EN2: variants seen among roughly 807,000 people sequenced by gnomAD.
The protein encoded by EN2 is engrailed homeobox 2.
In EN2, 7 loss-of-function variants were observed where a neutral mutation model predicts 25.0. The ratio of observed to expected loss-of-function variants is 0.28; its 90% CI spans 0.16 to 0.53. The LOEUF is 0.53. EN2 is among the 20% of genes least tolerant of loss of function. The pLI is 0.96. For synonymous variants in EN2, 277 were observed against 243.3 expected, an observed-to-expected ratio of 1.14 and a Z score of -1.29; for missense variants, 524 against 501.8, an observed-to-expected ratio of 1.04 and a Z score of -0.42.
At chr7:155,461,886 C>T (rs1325081262) in intron 1 of EN2, among the ~76,000 whole-genome samples, 1 of 152,192 alleles carries the variant, frequency 6.6e-6, no homozygotes, top group African/African-American at 2.4e-5. Context: ...GCCCTTGGCA[C>T]CCTGTGGGGT....
chr7:155,458,761 G>C lies in EN2; in HGVS notation c.384G>C (p.Glu128Asp). 2 of 1,368,116 alleles carry C rather than the reference G, an allele frequency of 1.5e-6. No individual in the cohort carries two copies. The highest frequency in any genetic ancestry group is 1.9e-6 in the Non-Finnish European group (2 of 1,068,910). The allele number at this position is 1,368,116 out of a possible 1,614,324, so 84.7% of individuals were successfully genotyped here. A position where few individuals can be genotyped will look rare whatever the true frequency, so the allele number is the denominator to read the frequency against. ...AGCTCTTGGGCTCGGGCTCCCGAGA[G>C]CCCCGGCAGAACCCGCCATGTGCGC... is the stretch of plus-strand genomic sequence containing the variant. ...SEQLLGSGSR[E>D]PRQNPPCAPG... The change falls in exon 1 of 2, where the codon GAG becomes GAC. Residue 128 changes from glutamate to aspartate, a missense_variant. Coordinates refer to ENST00000297375, the MANE Select transcript of EN2 (RefSeq NM_001427.4).
rs1421990939 is a variant in EN2 at position 155,462,599 on chromosome 7, A to G, written c.914A>G (p.Asn305Ser). 1 of 1,614,040 alleles carries G rather than the reference A, an allele frequency of 6.2e-7. No individual in the cohort carries two copies. The highest frequency in any genetic ancestry group is 8.5e-7 in the Non-Finnish European group (1 of 1,180,012). Residue 305 changes from asparagine to serine, a missense_variant, in exon 2 of 2, where the codon AAC becomes AGC. Asn to Ser is a conservative substitution (Grantham distance 46, BLOSUM62 1). Coordinates refer to ENST00000297375, the MANE Select transcript of EN2 (RefSeq NM_001427.4). ...GCCAAGATCAAGAAGGCCACGGGCA[A>G]CAAGAACACGCTGGCCGTGCACCTC... ...KRAKIKKATG[N>S]KNTLAVHLMA...
chr7:155,463,887 TTC>T lies in EN2; in HGVS notation c.*1202_*1203del, dbSNP rs1162117442. 1.3e-5 allele frequency: 2 copies of T among 152,284 alleles called. No individual in the cohort carries two copies. The highest frequency in any genetic ancestry group is 6.5e-5 in the Admixed American group (1 of 15,294). 9.4% of individuals were successfully genotyped at this position (152,284 alleles called of 1,614,324 possible). A position where few individuals can be genotyped will look rare whatever the true frequency, so the allele number is the denominator to read the frequency against. Reference sequence around the variant, plus strand: ...CCTTTTTCTTTTCTTCCCTATTTTTTTCTTTTTTTCCTTTATTTTTTTCTTTT... The same window carrying T: ...CCTTTTTCTTTTCTTCCCTATTTTTTTTTTTTTCCTTTATTTTTTTCTTTT... On this transcript the variant is annotated 3_prime_UTR_variant, in exon 2 of 2. Transcript: ENST00000297375.
Position 155,462,778 on chromosome 7 carries a change from C to G in EN2, c.*91C>G, listed in dbSNP as rs1427318595. The G allele has an allele frequency of 7.5e-7, 1 of 1,339,970 alleles. No individual in the cohort carries two copies. The highest frequency in any genetic ancestry group is 1.0e-6 in the Non-Finnish European group (1 of 1,003,982). The allele number at this position is 1,339,970 out of a possible 1,614,324, so 83.0% of individuals were successfully genotyped here. A position where few individuals can be genotyped will look rare whatever the true frequency, so the allele number is the denominator to read the frequency against. On this transcript the variant is annotated 3_prime_UTR_variant, in exon 2 of 2. Transcript: ENST00000297375. ...GGCCAGTGTATAAAGATTATACCAG[C>G]ATTAATAGTGAAAATATTGTGTATT...
intron 1 of EN2, among the ~76,000 whole-genome samples, chr7:155,462,006 A>C (rs1243573934): frequency 6.6e-6 from 1 of 152,124 alleles, no homozygotes; most frequent in Non-Finnish European, 1.5e-5. Flanking sequence ...ACCTACCGCC[A>C]TCCCTGTTCC....
chr7:155,461,375 C>G (rs1795693570), intron 1 of EN2, among the ~76,000 whole-genome samples: 1 of 152,248 alleles, frequency 6.6e-6, no homozygotes, highest in East Asian at 1.9e-4. Flanking sequence ...ACTGATGACA[C>G]TTCCCTCCTT....
intron 1 of EN2, among the ~76,000 whole-genome samples, chr7:155,459,833 G>A (rs935034709): frequency 1.1e-4 from 17 of 152,382 alleles, no homozygotes; most frequent in African/African-American, 4.1e-4. Flanking sequence ...TTTCCTGGGG[G>A]CTGCTGATGG....
chr7:155,461,305 T>G (rs1363506485), intron 1 of EN2, among the ~76,000 whole-genome samples: 2 of 152,258 alleles, frequency 1.3e-5, no homozygotes, highest in African/African-American at 4.8e-5. Context: ...CCAGTGGCCT[T>G]GCCCCCTTCT....
At chr7:155,459,432 G>A (rs983437636) in intron 1 of EN2, among the ~76,000 whole-genome samples, 2 of 152,114 alleles carry the variant, frequency 1.3e-5, no homozygotes, top group Non-Finnish European at 2.9e-5. Flanking sequence ...TGGTGGGAAC[G>A]TGGTGGCTGG....
At chr7:155,459,283 G>A (rs1056738596) in intron 1 of EN2, among the ~76,000 whole-genome samples, 9 of 152,204 alleles carry the variant, frequency 5.9e-5, no homozygotes, top group African/African-American at 2.2e-4. Flanking sequence ...GACTTCTTAG[G>A]ACCGCAGAAG....
intron 1 of EN2, among the ~76,000 whole-genome samples, chr7:155,459,265 G>A (rs930662871): frequency 1.3e-5 from 2 of 152,182 alleles, no homozygotes; most frequent in African/African-American, 4.8e-5. Context: ...GATTCGCTAG[G>A]GGGTACAGAC....
chr7:155,462,290 C>T (rs1795705360), intron 1 of EN2, 81 bp from the exon 2 acceptor site: 1 of 1,491,258 alleles, frequency 6.7e-7, no homozygotes, highest in Non-Finnish European at 9.0e-7. Flanking sequence ...CCTCTTGGGG[C>T]CCCAGAATCC....
chr7:155,461,446 C>T (rs1242793686), intron 1 of EN2, among the ~76,000 whole-genome samples: 1 of 152,202 alleles, frequency 6.6e-6, no homozygotes, highest in Non-Finnish European at 1.5e-5. Flanking sequence ...TTACAGCGAC[C>T]CTGTCCAAAA....
At chr7:155,462,305 C>T (rs1252840462) in intron 1 of EN2, 66 bp from the exon 2 acceptor site, 6 of 1,519,156 alleles carry the variant, frequency 3.9e-6, no homozygotes, top group Middle Eastern at 1.8e-4. Flanking sequence ...GAATCCTTAC[C>T]CGGTGCCTAT....
rs952202619 is a variant in EN2 at position 155,464,708 on chromosome 7, G to C, written c.*2021G>C. On this transcript the variant is annotated 3_prime_UTR_variant, in exon 2 of 2. Coordinates refer to ENST00000297375, the MANE Select transcript of EN2 (RefSeq NM_001427.4). Reference sequence around the variant, plus strand: ...AAATATTTATAATCTTATGAGAAATGAATGAATGTTTCTATTTACAACTGT... The same window carrying C: ...AAATATTTATAATCTTATGAGAAATCAATGAATGTTTCTATTTACAACTGT... 2.0e-5 allele frequency: 3 copies of C among 152,664 alleles called. No homozygotes were observed. Among genetic ancestry groups the C allele is most frequent in the African/African-American group, 7.2e-5 (3 of 41,564 alleles). 9.5% of individuals were successfully genotyped at this position (152,664 alleles called of 1,614,324 possible). A position where few individuals can be genotyped will look rare whatever the true frequency, so the allele number is the denominator to read the frequency against.
Position 155,458,273 on chromosome 7 carries a change from C to A in EN2, c.-105C>A. On this transcript the variant is annotated 5_prime_UTR_variant, in exon 1 of 2. Coordinates refer to ENST00000297375, the MANE Select transcript of EN2 (RefSeq NM_001427.4). ...CCGCCGCGCACGCCCTCGGAAGACT[C>A]GGCGGGGTGGGGGCGCGGGGGTCTC... 8.1e-7 allele frequency: 1 copy of A among 1,238,754 alleles called. No homozygotes were observed. The highest frequency in any genetic ancestry group is 1.6e-5 in the African/African-American group (1 of 64,182). The allele number at this position is 1,238,754 out of a possible 1,614,324, so 76.7% of individuals were successfully genotyped here. A position where few individuals can be genotyped will look rare whatever the true frequency, so the allele number is the denominator to read the frequency against.
In EN2 at chr7:155,462,986, T is replaced by C; in HGVS notation, c.*299T>C. On this transcript the variant is annotated 3_prime_UTR_variant, in exon 2 of 2. Coordinates refer to ENST00000297375, the MANE Select transcript of EN2 (RefSeq NM_001427.4). ...TTCACCTTTTTTTAATCCCCTAAGC[T>C]CCATTATATGACATTGGACACTTTT... 1 of 263,362 alleles carries C rather than the reference T, an allele frequency of 3.8e-6. No homozygotes were observed. The highest frequency in any genetic ancestry group is 7.1e-6 in the Non-Finnish European group (1 of 141,402). 16.3% of individuals were successfully genotyped at this position (263,362 alleles called of 1,614,324 possible).
Position 155,462,614 on chromosome 7 carries a change from C to T in EN2, c.929C>T (p.Ala310Val). 3 of 1,613,752 alleles carry T rather than the reference C, an allele frequency of 1.9e-6. No individual in the cohort carries two copies. The highest frequency in any genetic ancestry group is 2.5e-6 in the Non-Finnish European group (3 of 1,179,836). The part of the protein sequence containing the change: ...KKATGNKNTL[A>V]VHLMAQGLYN... ...GCCACGGGCAACAAGAACACGCTGG[C>T]CGTGCACCTCATGGCACAGGGCTTG... Residue 310 changes from alanine to valine, a missense_variant, in exon 2 of 2, where the codon GCC becomes GTC. Physicochemically the swap from Ala to Val is moderately conservative, Grantham distance 64. Coordinates refer to ENST00000297375, the MANE Select transcript of EN2 (RefSeq NM_001427.4).
Position 155,458,999 on chromosome 7 carries a change from G to A in EN2, c.622G>A (p.Ala208Thr). 3 of 1,564,584 alleles carry A rather than the reference G, an allele frequency of 1.9e-6. No individual in the cohort carries two copies. The highest frequency in any genetic ancestry group is 1.1e-5 in the South Asian group (1 of 87,264). ...DSSQAGANLG[A>T]QPMLWPAWVY... ...CTCGCAAGCCGGCGCCAACCTGGGCGCGCAGCCCATGCTCTGGCCGGCGTG... is the reference window on the plus strand; with the variant it reads ...CTCGCAAGCCGGCGCCAACCTGGGCACGCAGCCCATGCTCTGGCCGGCGTG... Residue 208 changes from alanine (A) to threonine (T), a missense_variant, in exon 1 of 2, where the codon GCG becomes ACG. Physicochemically the swap from Ala to Thr is moderately conservative, Grantham distance 58. Transcript: ENST00000297375.
Sources: allele counts gnomAD v4.1 joint callset (sites outside exome capture counted in the v4.1 genomes callset), GRCh38; gene constraint gnomAD v4.1.1; transcripts MANE v1.5; gene names NCBI Gene and HGNC (gene_info 2026-07-23, HGNC 2026-07-21).